DNASE1: variants seen among roughly 807,000 people sequenced by gnomAD.
DNASE1 encodes the protein deoxyribonuclease-1.
In DNASE1, 40 loss-of-function variants were observed where a neutral mutation model predicts 33.9. The observed-to-expected ratio is 1.18, with a 90% CI of 0.92 to 1.54. DNASE1 has a LOEUF of 1.54. Ranked by LOEUF, DNASE1 falls within the 40% of genes most tolerant of loss-of-function variation. The pLI, the probability that DNASE1 is intolerant of heterozygous loss-of-function variation, is 0.00. For synonymous variants in DNASE1, 216 were observed against 160.0 expected, an observed-to-expected ratio of 1.35 and a Z score of -2.64; for missense variants, 518 against 372.6, an observed-to-expected ratio of 1.39 and a Z score of -3.21.
chr16:3,634,290 G>A (rs990645404), intron 1 of DNASE1, among the ~76,000 whole-genome samples: 5 of 149,050 alleles, frequency 3.4e-5, no homozygotes, highest in African/African-American at 7.4e-5. Context: ...GTGCAGTGGC[G>A]CAATCTGGGC....
chr16:3,614,354 G>C (rs2041024973), intron 1 of DNASE1, among the ~76,000 whole-genome samples: 1 of 152,134 alleles, frequency 6.6e-6, no homozygotes, highest in South Asian at 2.1e-4. Flanking sequence ...CGCCTGGCCT[G>C]AAATAATTTA....
chr16:3,664,502 G>T, exon 10 of DNASE1: 1 of 1,562,678 alleles, frequency 6.4e-7, no homozygotes, highest in South Asian at 1.2e-5. Flanking sequence ...CAGGCCCATG[G>T]GCTCAATGTT....
upstream of DNASE1, chr16:3,654,473 T>C (rs762333676): frequency 3.5e-5 from 14 of 398,528 alleles, no homozygotes; most frequent in Admixed American, 4.0e-4. Flanking sequence ...ATTTGCAACT[T>C]TGGATGTGGC....
Position 3,657,105 on chromosome 16 carries a change from C to T in DNASE1, c.543C>T (p.Gly181=), listed in dbSNP as rs757292367. 11 of 1,614,134 alleles carry T rather than the reference C, an allele frequency of 6.8e-6. 1 individual carries two copies. Among genetic ancestry groups the T allele is most frequent in the Middle Eastern group, 3.3e-4 (2 of 6,062 alleles). ...DVYLDVQEKW[G]LEDVMLMGDF... is the part of the protein sequence containing the mutation. ...ACCTGGATGTCCAAGAGAAATGGGG[C>T]TTGGAGGTGAGGCCCTCCCAGGGGC... The change falls in exon 6 of 9, where the codon GGC becomes GGT. Residue 181 remains glycine (G), a synonymous_variant. Coordinates refer to ENST00000246949, the MANE Select transcript of DNASE1 (RefSeq NM_005223.4).
rs774480789 is a variant in DNASE1 at position 3,663,605 on chromosome 16, C to A, written c.*5652C>A. On this transcript the variant is annotated 3_prime_UTR_variant, in exon 10 of 10. Transcript: ENST00000407479. ...CAGCTCCATCAGACCCCGGGGGCCT[C>A]CAGCCACCACAGAAGAAAGGATGAG... The A allele has an allele frequency of 2.5e-6, 4 of 1,609,698 alleles. No homozygotes were observed. The Admixed American group carries it at 6.7e-5, about 27-fold the overall frequency.
intron 1 of DNASE1, among the ~76,000 whole-genome samples, chr16:3,626,619 G>A (rs771101613): frequency 5.9e-5 from 9 of 152,214 alleles, no homozygotes; most frequent in Non-Finnish European, 1.2e-4. Context: ...GTTAGGTGGA[G>A]TGTCCTCTAG....
At chr16:3,656,882 G>C in intron 5 of DNASE1, 117 bp from the exon 6 acceptor site, 1 of 1,544,634 alleles carries the variant, frequency 6.5e-7, no homozygotes, top group Non-Finnish European at 8.7e-7. Flanking sequence ...TTCCATTCAA[G>C]TCATTTGGAA....
Position 3,657,001 on chromosome 16 carries a change from G to A in DNASE1, c.439G>A (p.Val147Ile), listed in dbSNP as rs1455872989. The change falls in exon 6 of 9, where the codon GTC (valine) becomes ATC (isoleucine). Residue 147 changes from valine to isoleucine, a missense_variant and splice_region_variant. By Grantham distance (29) the Val-to-Ile change is conservative. Coordinates refer to ENST00000246949, the MANE Select transcript of DNASE1 (RefSeq NM_005223.4). ...ACACGACGTGGCTGTCTCCACAGAG[G>A]TCAGGGAGTTTGCCATTGTTCCCCT... ...IVRFFSRFTE[V>I]REFAIVPLHA... is the part of the protein sequence containing the mutation. 37 of 1,613,480 alleles carry A rather than the reference G, an allele frequency of 2.3e-5. No individual in the cohort carries two copies. Among genetic ancestry groups the A allele is most frequent in the Non-Finnish European group, 3.0e-5 (35 of 1,179,928 alleles).
At chr16:3,612,649 TCCTC>T (rs1370569996) in intron 1 of DNASE1, among the ~76,000 whole-genome samples, 5 of 148,098 alleles carry the variant, frequency 3.4e-5, no homozygotes, top group Non-Finnish European at 7.4e-5. Flanking sequence ...CCGCAAGAGA[TCCTC>T]CCGCCTCGGC....
intron 4 of DNASE1, 27 bp downstream of exon 4, chr16:3,656,212 C>G (rs372935317): frequency 3.1e-6 from 5 of 1,609,244 alleles, no homozygotes; most frequent in Non-Finnish European, 4.3e-6. Flanking sequence ...GCCAGGAAGC[C>G]CCTCCCTCAC....
chr16:3,630,255 G>A (rs1374466478), intron 1 of DNASE1, among the ~76,000 whole-genome samples: 3 of 151,776 alleles, frequency 2.0e-5, no homozygotes, highest in East Asian at 3.9e-4. Context: ...ATCACAGCTC[G>A]CTGCAGCCTC....
chr16:3,660,964 G>A (rs1434005284), downstream of DNASE1: 1 of 151,270 alleles, frequency 6.6e-6, no homozygotes, highest in African/African-American at 2.4e-5. Context: ...TGGGGGGGGT[G>A]GTAAGTCTAT....
downstream of DNASE1, chr16:3,659,074 T>TGTA: frequency 1.8e-6 from 1 of 561,092 alleles, no homozygotes; most frequent in East Asian, 3.1e-5. Flanking sequence ...TAGAAAATGC[T>TGTA]GTAAGGTAGC....
In DNASE1 at chr16:3,664,528, C is replaced by T. The variant is rs73505467; in HGVS notation, c.*6575C>T. 993 of 1,498,636 alleles carry T rather than the reference C, an allele frequency of 6.6e-4. 1 individual carries two copies. The African/African-American group carries it at 0.012, about 18-fold the overall frequency. The allele number at this position is 1,498,636 out of a possible 1,614,324, so 92.8% of individuals were successfully genotyped here. On this transcript the variant is annotated 3_prime_UTR_variant, in exon 10 of 10. Transcript: ENST00000407479. ...GCTCAATGTTGCCCAACTAACTGGG[C>T]GCAAACCCTCCGATGCCCATGGCCT...
intron 1 of DNASE1, among the ~76,000 whole-genome samples, chr16:3,634,328 G>A (rs1458633362): frequency 6.7e-6 from 1 of 149,550 alleles, no homozygotes; most frequent in Non-Finnish European, 1.5e-5. Flanking sequence ...TCCCAGGTTT[G>A]CACCATTCTC....
At chr16:3,661,976 C>T (rs189167670), downstream of DNASE1, 3,242 of 1,593,666 alleles carry the variant, frequency 2.0e-3, 9 homozygotes, top group Non-Finnish European at 2.5e-3. Flanking sequence ...GAGCCAGGAG[C>T]GTGGCCTCAC....
intron 1 of DNASE1, among the ~76,000 whole-genome samples, chr16:3,632,323 A>G (rs376196982): frequency 7.9e-5 from 12 of 152,256 alleles, no homozygotes; most frequent in African/African-American, 2.9e-4. Context: ...GAAGTTTCCA[A>G]CTATAATAGT....
chr16:3,615,861 A>T (rs1400274537), intron 1 of DNASE1, among the ~76,000 whole-genome samples: 1 of 152,144 alleles, frequency 6.6e-6, no homozygotes, highest in East Asian at 1.9e-4. Flanking sequence ...AACAGTTGGG[A>T]GGATGAATTG....
rs1487603827 is a variant in DNASE1, at chr16:3,654,781, T to C, written c.-265T>C. ...GCGGAAAGCCACACAGAGCCATTGT[T>C]TTCTGCACTCTCAGGTGACGGCTCA... On this transcript the variant is annotated 5_prime_UTR_variant, in exon 1 of 9. Transcript: ENST00000246949. The C allele has an allele frequency of 2.5e-6, 1 of 400,704 alleles. No individual in the cohort carries two copies. The highest frequency in any genetic ancestry group is 4.4e-5 in the Admixed American group (1 of 22,974). The allele number at this position is 400,704 out of a possible 1,614,324, so 24.8% of individuals were successfully genotyped here.
Sources: allele counts gnomAD v4.1 joint callset (sites outside exome capture counted in the v4.1 genomes callset), GRCh38; gene constraint gnomAD v4.1.1; transcripts MANE v1.5; gene names NCBI Gene and HGNC (gene_info 2026-07-23, HGNC 2026-07-21).